The following U2SURP variants were observed in gnomAD, a reference collection of about 807,000 sequenced individuals.
The protein encoded by U2SURP is U2 snRNP associated SURP domain containing.
In U2SURP, 9 loss-of-function variants were observed where a neutral mutation model predicts 144.9. The ratio of observed to expected loss-of-function variants is 0.06; its 90% CI spans 0.04 to 0.11. U2SURP has a LOEUF of 0.11. Among genes scored for constraint, U2SURP ranks in the 10% least tolerant of loss-of-function variants. The pLI is 1.00. For synonymous variants in U2SURP, 408 were observed against 396.8 expected, an observed-to-expected ratio of 1.03 and a Z score of -0.33; for missense variants, 724 against 1,226.7, an observed-to-expected ratio of 0.59 and a Z score of 6.12.
chr3:143,028,756 G>A, intron 16 of U2SURP, 110 bp downstream of exon 16: 1 of 891,400 alleles, frequency 1.1e-6, no homozygotes, highest in East Asian at 2.8e-5. Flanking sequence ...TTTCACTTGT[G>A]AATGTTTAAA....
chr3:143,051,102 C>T (rs1934831580), intron 25 of U2SURP, 53 bp downstream of exon 25: 2 of 1,152,456 alleles, frequency 1.7e-6, no homozygotes, highest in Non-Finnish European at 2.5e-6. Context: ...ATTTATTTGA[C>T]TTCCTAGAAT....
intron 3 of U2SURP, among the ~76,000 whole-genome samples, chr3:143,013,708 G>A (rs1025155171): frequency 2.6e-5 from 4 of 151,960 alleles, no homozygotes; most frequent in Admixed American, 2.6e-4. Context: ...TTAAAATAGT[G>A]TTTTCTTATA....
At chr3:143,022,457 C>A in intron 10 of U2SURP, 40 bp from the exon 11 acceptor site, 1 of 1,421,244 alleles carries the variant, frequency 7.0e-7, no homozygotes, top group South Asian at 1.8e-5. Context: ...TTTTCTTTTC[C>A]CTTTTTTGCA....
At chr3:143,008,721 G>A (rs1404895742) in intron 1 of U2SURP, among the ~76,000 whole-genome samples, 3 of 152,128 alleles carry the variant, frequency 2.0e-5, no homozygotes, top group Non-Finnish European at 4.4e-5. Context: ...TGTTTTTGTT[G>A]CTTAGCAAGT....
At chr3:143,054,650 A>T (rs1935053491) in intron 26 of U2SURP, among the ~76,000 whole-genome samples, 2 of 152,230 alleles carry the variant, frequency 1.3e-5, no homozygotes, top group Admixed American at 1.3e-4. Flanking sequence ...TCAACATTTT[A>T]AAAAACTGAT....
At chr3:143,034,302 G>C (rs1312985579) in intron 18 of U2SURP, among the ~76,000 whole-genome samples, 1 of 152,102 alleles carries the variant, frequency 6.6e-6, no homozygotes. Flanking sequence ...TACTCGGGAA[G>C]CTGAGGCAGG....
At chr3:143,032,986 G>C (rs754643320) in intron 17 of U2SURP, 40 bp downstream of exon 17, 1 of 1,588,920 alleles carries the variant, frequency 6.3e-7, no homozygotes, top group Admixed American at 1.8e-5. Flanking sequence ...GATAGTTGAC[G>C]TCTTTTGGGA....
intron 18 of U2SURP, 134 bp from the exon 19 acceptor site, chr3:143,034,754 C>A: frequency 5.0e-6 from 3 of 600,410 alleles, no homozygotes; most frequent in South Asian, 2.2e-5. Context: ...GTTTAAACAC[C>A]TAGTTTTTGA....
At chr3:143,009,552 C>T (rs182698887) in intron 1 of U2SURP, among the ~76,000 whole-genome samples, 1 of 151,506 alleles carries the variant, frequency 6.6e-6, no homozygotes, top group East Asian at 1.9e-4. Flanking sequence ...GAGCCGAGGT[C>T]GCGCCACTGT....
chr3:143,024,916 G>A (rs1452880312), intron 13 of U2SURP, among the ~76,000 whole-genome samples: 1 of 150,534 alleles, frequency 6.6e-6, no homozygotes, highest in African/African-American at 2.4e-5. Context: ...GGTTATTGTT[G>A]CCCAGAATAA....
chr3:143,013,296 C>T (rs536916615), intron 3 of U2SURP, among the ~76,000 whole-genome samples: 3 of 152,076 alleles, frequency 2.0e-5, no homozygotes, highest in Non-Finnish European at 4.4e-5. Context: ...GATGGCAAAA[C>T]GATTTTCTTT....
intron 4 of U2SURP, 51 bp downstream of exon 4, chr3:143,014,460 G>A: frequency 7.7e-7 from 1 of 1,297,692 alleles, no homozygotes; most frequent in African/African-American, 1.5e-5. Flanking sequence ...ATGTGTCTAA[G>A]GGGTTAGTAA....
chr3:143,005,308 A>G (rs1191388460), intron 1 of U2SURP, among the ~76,000 whole-genome samples: 1 of 152,214 alleles, frequency 6.6e-6, no homozygotes. Context: ...TTAAGAAATA[A>G]GTAAACTGAG....
rs1245358449 is a variant in U2SURP at position 143,059,731 on chromosome 3, TG to T, written c.*3282del. ...TTACAAATAAGGTTTTTTTCTTTGT[TG>T]TTTTCCTCTTCTATTAAGTTTTAGT... On this transcript the variant is annotated 3_prime_UTR_variant, in exon 28 of 28. Coordinates refer to ENST00000473835, the MANE Select transcript of U2SURP (RefSeq NM_001080415.2). 8.6e-5 allele frequency: 13 copies of T among 151,926 alleles called. No homozygotes were observed. Among genetic ancestry groups the T allele is most frequent in the Admixed American group, 2.0e-4 (3 of 15,238 alleles). 9.4% of individuals were successfully genotyped at this position (151,926 alleles called of 1,614,324 possible). A position where few individuals can be genotyped will look rare whatever the true frequency, so the allele number is the denominator to read the frequency against.
At position 143,016,402 on chromosome 3, in the gene U2SURP, G is replaced by A. The variant is rs763914194; in HGVS notation, c.436+31G>A. ...TTTATAAAGTATAACTGCTAATAAA[G>A]CATAACTGTATTACAGTTTTTGAGC... On this transcript the variant is annotated intron_variant, in intron 5 of 27. Coordinates refer to ENST00000473835, the MANE Select transcript of U2SURP (RefSeq NM_001080415.2). The A allele has an allele frequency of 5.7e-6, 9 of 1,578,260 alleles. No individual in the cohort carries two copies. In the East Asian group the frequency reaches 9.0e-5, roughly 16 times the overall value.
chr3:143,051,950 C>G (rs185444271), intron 25 of U2SURP, among the ~76,000 whole-genome samples: 10 of 152,206 alleles, frequency 6.6e-5, no homozygotes, highest in African/African-American at 2.2e-4. Context: ...ATAGGCATCT[C>G]AATTAGGAGA....
At chr3:143,038,991 C>G in intron 23 of U2SURP, 31 bp downstream of exon 23, 2 of 1,396,588 alleles carry the variant, frequency 1.4e-6, no homozygotes, top group Non-Finnish European at 1.9e-6. Flanking sequence ...TATACTGTTT[C>G]TTGTTCATAT....
At chr3:143,046,906 C>T (rs1422306389) in intron 24 of U2SURP, among the ~76,000 whole-genome samples, 4 of 122,582 alleles carry the variant, frequency 3.3e-5, no homozygotes, top group Admixed American at 1.5e-4. Flanking sequence ...CGGGCAGAGG[C>T]GCCGCTCACC....
chr3:143,029,621 A>G (rs549768053), intron 16 of U2SURP, among the ~76,000 whole-genome samples: 2 of 152,266 alleles, frequency 1.3e-5, no homozygotes, highest in South Asian at 4.1e-4. Flanking sequence ...TAATAATCCC[A>G]CAATGGCCTC....
Sources: allele counts gnomAD v4.1 joint callset (sites outside exome capture counted in the v4.1 genomes callset), GRCh38; gene constraint gnomAD v4.1.1; transcripts MANE v1.5; gene names NCBI Gene and HGNC (gene_info 2026-07-23, HGNC 2026-07-21).